HDAC4: variants seen among roughly 807,000 people sequenced by gnomAD.
HDAC4 encodes histone deacetylase A.
In HDAC4, 16 loss-of-function variants were observed where a neutral mutation model predicts 135.1. The ratio of observed to expected loss-of-function variants is 0.12; its 90% confidence interval spans 0.08 to 0.18. The LOEUF (loss-of-function observed/expected upper bound fraction) is 0.18, where lower values mean the gene tolerates loss of function less well. HDAC4 is among the 10% of genes least tolerant of loss of function. HDAC4 has a pLI of 1.00. For synonymous variants in HDAC4, 685 were observed against 653.4 expected (o/e 1.05, Z -0.74); for missense variants, 1,143 against 1,511.8 (o/e 0.76, Z 4.05).
chr2:239,144,981 G>GA (rs1480721157), intron 7 of HDAC4, among the ~76,000 whole-genome samples: 1 of 152,204 alleles, frequency 6.6e-6, no homozygotes, highest in Non-Finnish European at 1.5e-5. Flanking sequence ...TGTCTTCACA[G>GA]AATCAGGCCA....
intron 3 of HDAC4, among the ~76,000 whole-genome samples, chr2:239,210,320 C>CA (rs1346482172): frequency 6.6e-6 from 1 of 151,752 alleles, no homozygotes; most frequent in Non-Finnish European, 1.5e-5. Context: ...TAAAAAAACA[C>CA]AAAAAACAAA....
intron 24 of HDAC4, among the ~76,000 whole-genome samples, chr2:239,063,349 C>T (rs918494370): frequency 5.9e-5 from 9 of 152,014 alleles, no homozygotes; most frequent in South Asian, 2.1e-4. Context: ...TACAGGCGCC[C>T]GCCACTGCCC....
chr2:239,261,966 C>T (rs1338129794), intron 2 of HDAC4, among the ~76,000 whole-genome samples: 2 of 152,196 alleles, frequency 1.3e-5, no homozygotes, highest in Non-Finnish European at 2.9e-5. Flanking sequence ...GCACTGCCTT[C>T]GTGAGCCCCC....
In HDAC4 at chr2:239,141,491, C is replaced by T. The variant is rs543369452; in HGVS notation, c.866-1695G>A. ...TCCAGAGGTAGGCTTCTCCCGCTGCCGAGGCCATGTTATTTGCACTGTGAG... is the reference window on the plus strand; with the variant it reads ...TCCAGAGGTAGGCTTCTCCCGCTGCTGAGGCCATGTTATTTGCACTGTGAG... On this transcript the variant is annotated intron_variant, in intron 8 of 26. Coordinates refer to ENST00000543185, the MANE Select transcript of HDAC4 (RefSeq NM_001378414.1). This position sits in a 1 kb window ranked among gnomAD's most constrained non-coding sequence, Gnocchi z 4.9. 6.6e-6 allele frequency among the ~76,000 whole-genome samples: 1 copy of T among 152,194 alleles called. No individual in the cohort carries two copies. Among genetic ancestry groups the T allele is most frequent in the African/African-American group, 2.4e-5 (1 of 41,442 alleles).
chr2:239,068,171 TTGG>T lies in HDAC4; in HGVS notation c.2869+315_2869+317del, dbSNP rs1397137500. ...AGCGGCATGGGGCACATCTCAGCTC[TTGG>T]TGGGACCAGGACCTGCCCCTGGAGG... On this transcript the variant is annotated intron_variant, in intron 23 of 26. Coordinates refer to ENST00000543185, the MANE Select transcript of HDAC4 (RefSeq NM_001378414.1). The surrounding 1 kb of genome is among the most constrained non-coding windows in gnomAD (Gnocchi z 4.4). 2.0e-5 allele frequency among the ~76,000 whole-genome samples: 3 copies of T among 152,240 alleles called. No homozygotes were observed. In the East Asian group the frequency reaches 5.8e-4, roughly 29 times the overall value.
At chr2:239,127,442 T>G (rs1485366302) in intron 11 of HDAC4, among the ~76,000 whole-genome samples, 2 of 152,226 alleles carry the variant, frequency 1.3e-5, no homozygotes, top group African/African-American at 4.8e-5. Context: ...TCCTTCTGCA[T>G]GCGTTCATCG....
intron 16 of HDAC4, among the ~76,000 whole-genome samples, chr2:239,097,432 G>C (rs2037211499): frequency 1.3e-5 from 2 of 152,352 alleles, no homozygotes; most frequent in South Asian, 4.1e-4. Flanking sequence ...CTGGAGTCGT[G>C]GCTCCTGACC....
Position 239,352,588 on chromosome 2 carries a change from A to G in HDAC4, c.22+90T>C. On this transcript the variant is annotated intron_variant, in intron 2 of 26. Transcript: ENST00000543185. This position sits in a 1 kb window ranked among gnomAD's most constrained non-coding sequence, Gnocchi z 4.4. ...CTATCAAGAAAAACAAAAGTCTCAA[A>G]TCCAGAAAGCAAGCTGCAGTCACAA... The G allele has an allele frequency of 3.1e-6, 4 of 1,301,600 alleles. No individual in the cohort carries two copies. The highest frequency in any genetic ancestry group is 4.3e-6 in the Non-Finnish European group (4 of 919,562). 80.6% of individuals were successfully genotyped at this position (1,301,600 alleles called of 1,614,324 possible).
intron 25 of HDAC4, among the ~76,000 whole-genome samples, chr2:239,054,244 T>C (rs774286004): frequency 5.9e-5 from 9 of 152,048 alleles, no homozygotes; most frequent in Non-Finnish European, 1.2e-4. Context: ...TGACAGGGTG[T>C]GGGAGGCGCC....
At chr2:239,335,954 A>G (rs1360499650) in intron 2 of HDAC4, among the ~76,000 whole-genome samples, 1 of 152,254 alleles carries the variant, frequency 6.6e-6, no homozygotes, top group Non-Finnish European at 1.5e-5. Context: ...AGCATTATAC[A>G]TAATTCCAAA....
intron 20 of HDAC4, 49 bp downstream of exon 20, chr2:239,084,105 GA>G: frequency 7.4e-7 from 1 of 1,345,206 alleles, no homozygotes; most frequent in Middle Eastern, 1.8e-4. Context: ...TCCGCTCGGG[GA>G]CGGCAAAGGA....
chr2:239,169,361 C>T (rs937253286), intron 5 of HDAC4, among the ~76,000 whole-genome samples: 5 of 152,238 alleles, frequency 3.3e-5, no homozygotes, highest in Admixed American at 2.0e-4. Flanking sequence ...GTCCCACGCA[C>T]GCCTCCTGCA....
At chr2:239,318,248 G>A (rs1369587678) in intron 2 of HDAC4, among the ~76,000 whole-genome samples, 1 of 152,238 alleles carries the variant, frequency 6.6e-6, no homozygotes, top group Non-Finnish European at 1.5e-5. Flanking sequence ...GAGCTTCCGG[G>A]CAGCATCAGC....
chr2:239,320,385 A>G (rs78155924), intron 2 of HDAC4, among the ~76,000 whole-genome samples: 3 of 105,576 alleles, frequency 2.8e-5, no homozygotes, highest in Admixed American at 1.2e-4. Flanking sequence ...TTCATCTCAA[A>G]AAAAAAAAAA....
At chr2:239,053,177 G>C (rs2031148045) in intron 26 of HDAC4, 41 bp from the exon 27 acceptor site, 4 of 1,610,886 alleles carry the variant, frequency 2.5e-6, no homozygotes, top group Non-Finnish European at 2.5e-6. Flanking sequence ...GCGTGGGGCA[G>C]GTGCACCACA....
At chr2:239,133,702 C>G (rs895671351) in intron 11 of HDAC4, among the ~76,000 whole-genome samples, 3 of 152,136 alleles carry the variant, frequency 2.0e-5, no homozygotes, top group Non-Finnish European at 4.4e-5. Flanking sequence ...CCTGACCTCA[C>G]GTGATCCGCC....
intron 2 of HDAC4, chr2:239,298,152 A>G (rs1235815347): frequency 1.6e-6 from 2 of 1,241,376 alleles, no homozygotes; most frequent in African/African-American, 3.1e-5. Context: ...TCCAAACCAA[A>G]TAATTCTCCT....
intron 6 of HDAC4, among the ~76,000 whole-genome samples, chr2:239,160,178 A>G (rs1212173200): frequency 6.6e-6 from 1 of 152,258 alleles, no homozygotes; most frequent in African/African-American, 2.4e-5. Context: ...GGATAAAAAT[A>G]AATGGGTGGA....
intron 3 of HDAC4, among the ~76,000 whole-genome samples, chr2:239,202,203 C>T (rs537773854): frequency 1.4e-4 from 21 of 152,304 alleles, no homozygotes; most frequent in Middle Eastern, 3.4e-3. Flanking sequence ...TGGGGACTAC[C>T]TATAGTAGGA....
Sources: gnomAD v4.1 joint callset for allele counts (sites outside exome capture counted in the v4.1 genomes callset) on GRCh38, gnomAD v4.1.1 for gene constraint, Gnocchi (gnomAD v3.1) non-coding constraint, MANE v1.5 for transcripts, NCBI Gene and HGNC (gene_info 2026-07-23, HGNC 2026-07-21) for gene names.